SLC10A7: variants seen among roughly 807,000 people sequenced by gnomAD.
SLC10A7 encodes the protein solute carrier family 10 member 7, also known as sodium/bile acid cotransporter 7.
SLC10A7 carries 29 observed loss-of-function variants against 43.2 expected under a neutral mutation model. The ratio of observed to expected loss-of-function variants is 0.67; its 90% CI spans 0.50 to 0.92. SLC10A7 has a LOEUF of 0.92. Ranked by LOEUF, SLC10A7 falls within the 40% of genes least tolerant of loss-of-function variation. SLC10A7 has a pLI of 0.00. For synonymous variants in SLC10A7, 152 were observed against 144.8 expected, an observed-to-expected ratio of 1.05 and a Z score of -0.35; for missense variants, 295 against 403.2, an observed-to-expected ratio of 0.73 and a Z score of 2.30.
In SLC10A7 at chr4:146,396,732, TTA is replaced by T. The variant is rs146416535; in HGVS notation, c.435+46049_435+46050del. Among the ~76,000 whole-genome samples the T allele has an allele frequency of 4.3e-3, 655 of 151,974 alleles. 5 individuals are homozygous for T. Among genetic ancestry groups the T allele is most frequent in the African/African-American group, 0.015 (628 of 41,484 alleles). On this transcript the variant is annotated intron_variant, in intron 5 of 11. Transcript: ENST00000335472. ...TATGTACTTTGGTAAAATTGTGGGA[TTA>T]TATATATTCAGAAAAAGAGTAATTG...
At chr4:146,356,693 G>A (rs564991078) in intron 5 of SLC10A7, among the ~76,000 whole-genome samples, 1 of 151,944 alleles carries the variant, frequency 6.6e-6, no homozygotes, top group African/African-American at 2.4e-5. Context: ...ATTTACACAA[G>A]TGTTCTCTTA....
chr4:146,441,890 C>A, intron 5 of SLC10A7: 1 of 982,702 alleles, frequency 1.0e-6, no homozygotes, highest in Non-Finnish European at 1.2e-6. Flanking sequence ...TAAATACATA[C>A]AATAATAATT....
intron 4 of SLC10A7, among the ~76,000 whole-genome samples, chr4:146,483,163 T>G (rs1475238968): frequency 6.6e-6 from 1 of 152,132 alleles, no homozygotes; most frequent in African/African-American, 2.4e-5. Flanking sequence ...AACTTCCCAG[T>G]AGAGGTAAAT....
At chr4:146,520,391 CT>C (rs1738512664) in intron 1 of SLC10A7, among the ~76,000 whole-genome samples, 1 of 152,230 alleles carries the variant, frequency 6.6e-6, no homozygotes, top group South Asian at 2.1e-4. Flanking sequence ...GGAATAACTG[CT>C]TTATTCTCAC....
At chr4:146,296,139 G>A (rs553557561) in intron 7 of SLC10A7, among the ~76,000 whole-genome samples, 1 of 152,220 alleles carries the variant, frequency 6.6e-6, no homozygotes, top group African/African-American at 2.4e-5. Flanking sequence ...ATAAAAATGT[G>A]TAGTGTTTGC....
chr4:146,484,460 T>C (rs950330784), intron 4 of SLC10A7, among the ~76,000 whole-genome samples: 1 of 152,144 alleles, frequency 6.6e-6, no homozygotes, highest in Non-Finnish European at 1.5e-5. Flanking sequence ...GGAAGAACAA[T>C]ATTGCATAAT....
At chr4:146,408,543 C>G (rs1727903534) in intron 5 of SLC10A7, 1 of 152,164 alleles carries the variant, frequency 6.6e-6, no homozygotes, top group African/African-American at 2.4e-5. Context: ...AAAATACCAA[C>G]AGCTAAGAAT....
At chr4:146,402,910 A>G (rs1739322176) in intron 5 of SLC10A7, among the ~76,000 whole-genome samples, 2 of 152,210 alleles carry the variant, frequency 1.3e-5, no homozygotes, top group South Asian at 4.1e-4. Flanking sequence ...CAGCTTCAAG[A>G]GCCAGATTGT....
At chr4:146,435,828 A>G (rs1730166145) in intron 5 of SLC10A7, among the ~76,000 whole-genome samples, 1 of 152,158 alleles carries the variant, frequency 6.6e-6, no homozygotes, top group African/African-American at 2.4e-5. Flanking sequence ...GAGGTCCTTT[A>G]CAAACATTCT....
At chr4:146,272,542 C>T (rs779092518) in intron 10 of SLC10A7, among the ~76,000 whole-genome samples, 1 of 152,172 alleles carries the variant, frequency 6.6e-6, no homozygotes. Context: ...AAGCATGGAG[C>T]GGGCTGTCAT....
In SLC10A7 at chr4:146,360,429, C is replaced by G. The variant is rs570667225; in HGVS notation, c.436-34433G>C. On this transcript the variant is annotated intron_variant, in intron 5 of 11. Transcript: ENST00000335472. ...AGAAGAAGGCACTATATTCCTCTTT[C>G]CTTTCTTCTTCTTCTTTTTTTTAAT... Among the ~76,000 whole-genome samples, 379 of 152,050 alleles carry G rather than the reference C, an allele frequency of 2.5e-3. 1 individual carries two copies. The highest frequency in any genetic ancestry group is 4.2e-3 in the Non-Finnish European group (287 of 67,922).
At chr4:146,381,412 C>T (rs1022516099) in intron 5 of SLC10A7, among the ~76,000 whole-genome samples, 1 of 152,088 alleles carries the variant, frequency 6.6e-6, no homozygotes, top group African/African-American at 2.4e-5. Flanking sequence ...CAGGAGGAGG[C>T]TCAAGGTTAA....
intron 5 of SLC10A7, among the ~76,000 whole-genome samples, chr4:146,349,337 C>T (rs566762345): frequency 3.3e-5 from 5 of 152,212 alleles, no homozygotes; most frequent in African/African-American, 1.2e-4. Context: ...GTCAGAATGG[C>T]TATTATTAAA....
At chr4:146,412,169 G>T (rs550354403) in intron 5 of SLC10A7, among the ~76,000 whole-genome samples, 2 of 151,816 alleles carry the variant, frequency 1.3e-5, no homozygotes, top group South Asian at 2.1e-4. Flanking sequence ...AAAAAATTAC[G>T]TGATAGAATA....
At chr4:146,329,587 G>A (rs1733391743) in intron 5 of SLC10A7, among the ~76,000 whole-genome samples, 1 of 152,134 alleles carries the variant, frequency 6.6e-6, no homozygotes, top group African/African-American at 2.4e-5. Context: ...GCTCTTGAAT[G>A]GTGTAAATAA....
chr4:146,373,753 T>G (rs1451553408), intron 5 of SLC10A7, among the ~76,000 whole-genome samples: 1 of 152,174 alleles, frequency 6.6e-6, no homozygotes, highest in Non-Finnish European at 1.5e-5. Context: ...CTTAATTTAA[T>G]CAGTCTGGAG....
chr4:146,385,405 C>T (rs936121233), intron 5 of SLC10A7, among the ~76,000 whole-genome samples: 10 of 152,028 alleles, frequency 6.6e-5, no homozygotes, highest in Non-Finnish European at 1.5e-4. Flanking sequence ...AATCTCATTG[C>T]TTTAACTTAA....
chr4:146,317,238 T>A (rs556645808), intron 6 of SLC10A7, among the ~76,000 whole-genome samples: 1 of 152,200 alleles, frequency 6.6e-6, no homozygotes, highest in Non-Finnish European at 1.5e-5. Flanking sequence ...GACAGATGCA[T>A]CCATTCATTT....
At chr4:146,450,298 T>C (rs1369981767) in intron 4 of SLC10A7, among the ~76,000 whole-genome samples, 2 of 152,106 alleles carry the variant, frequency 1.3e-5, no homozygotes, top group African/African-American at 4.8e-5. Flanking sequence ...TTACACAGCA[T>C]TTACATCATA....
Sources: gnomAD v4.1 joint callset for allele counts (sites outside exome capture counted in the v4.1 genomes callset) on GRCh38, gnomAD v4.1.1 for gene constraint, MANE v1.5 for transcripts, NCBI Gene and HGNC (gene_info 2026-07-23, HGNC 2026-07-21) for gene names.